ACTR3C: variants seen among roughly 807,000 people sequenced by gnomAD.
ACTR3C encodes actin related protein 3C.
Under a neutral mutation model 26.3 loss-of-function variants are expected in ACTR3C, and 18 were observed. That is an observed-to-expected ratio of 0.68 (90% confidence interval 0.47 to 1.01). ACTR3C has a LOEUF of 1.01. Among genes scored for constraint, ACTR3C ranks in the 50% least tolerant of loss-of-function variants. The pLI, the probability that ACTR3C is intolerant of heterozygous loss-of-function variation, is 0.00. For synonymous variants in ACTR3C, 55 were observed against 94.5 expected (o/e 0.58, Z 2.42); for missense variants, 184 against 250.7 (o/e 0.73, Z 1.80).
At chr7:149,952,105 T>C in the ACTR3C span, among the ~76,000 whole-genome samples, 1 of 151,398 alleles carries the variant, frequency 6.6e-6, no homozygotes, top group South Asian at 2.1e-4. Flanking sequence ...CTTATAAGGA[T>C]GTCAGTTTTG....
chr7:149,914,115 T>C, the ACTR3C span, among the ~76,000 whole-genome samples: 1 of 151,568 alleles, frequency 6.6e-6, no homozygotes, highest in Non-Finnish European at 1.5e-5. Flanking sequence ...TCTCAAACTC[T>C]TGGGCTCAAG....
chr7:150,123,147 T>A, the ACTR3C span, among the ~76,000 whole-genome samples: 1 of 151,672 alleles, frequency 6.6e-6, no homozygotes, highest in African/African-American at 2.4e-5. Flanking sequence ...GACGGGTTGA[T>A]GGGTGAAGCA....
chr7:150,102,062 G>C, the ACTR3C span, among the ~76,000 whole-genome samples: 20 of 151,796 alleles, frequency 1.3e-4, no homozygotes, highest in Middle Eastern at 3.4e-3. Context: ...TTACAAGTGA[G>C]TGTTTAGTTG....
intron 6 of ACTR3C, among the ~76,000 whole-genome samples, chr7:150,275,517 C>G (rs1331946967): frequency 6.6e-6 from 1 of 152,178 alleles, no homozygotes; most frequent in Non-Finnish European, 1.5e-5. Flanking sequence ...TCGAGACCAG[C>G]CTGGCCAACA....
At chr7:150,213,329 G>A in the ACTR3C span, among the ~76,000 whole-genome samples, 3 of 152,190 alleles carry the variant, frequency 2.0e-5, no homozygotes, top group Admixed American at 6.5e-5. Flanking sequence ...CGTAAGCCTT[G>A]CATGAGTTTG....
chr7:150,039,137 G>A, the ACTR3C span, among the ~76,000 whole-genome samples: 1 of 150,858 alleles, frequency 6.6e-6, no homozygotes, highest in African/African-American at 2.4e-5. Context: ...TCAACGATCG[G>A]GGGTCCTAAG....
the ACTR3C span, among the ~76,000 whole-genome samples, chr7:150,222,384 G>T: frequency 6.6e-6 from 1 of 152,320 alleles, no homozygotes; most frequent in East Asian, 1.9e-4. Flanking sequence ...TTCCACGTGA[G>T]GAAACTGAGG....
chr7:150,200,711 C>T, the ACTR3C span, among the ~76,000 whole-genome samples: 448 of 152,130 alleles, frequency 2.9e-3, 1 homozygote, highest in Non-Finnish European at 5.3e-3. Context: ...TACATATGAA[C>T]GAACAGACAT....
At chr7:150,005,057 A>G in the ACTR3C span, 1 of 152,346 alleles carries the variant, frequency 6.6e-6, no homozygotes, top group South Asian at 2.1e-4. Context: ...GTGCCTCTGT[A>G]AGAAAATGCT....
At chr7:150,011,872 A>T in the ACTR3C span, among the ~76,000 whole-genome samples, 1 of 152,244 alleles carries the variant, frequency 6.6e-6, no homozygotes, top group South Asian at 2.1e-4. Context: ...CATTAAAAAG[A>T]AGTATAAAAT....
the ACTR3C span, among the ~76,000 whole-genome samples, chr7:150,003,465 T>C: frequency 2.0e-5 from 3 of 150,254 alleles, no homozygotes; most frequent in African/African-American, 7.3e-5. Context: ...GTAGTATGTG[T>C]TGTGTGTGGT....
the ACTR3C span, among the ~76,000 whole-genome samples, chr7:150,201,013 T>C: frequency 6.6e-6 from 1 of 152,272 alleles, no homozygotes; most frequent in Non-Finnish European, 1.5e-5. Context: ...TCATATTGTC[T>C]AGATGTTGGT....
At chr7:150,127,233 A>G in the ACTR3C span, among the ~76,000 whole-genome samples, 1 of 151,730 alleles carries the variant, frequency 6.6e-6, no homozygotes, top group Non-Finnish European at 1.5e-5. Flanking sequence ...ATTCCCCACC[A>G]GACTCCCACC....
chr7:150,140,009 C>T, the ACTR3C span, among the ~76,000 whole-genome samples: 1 of 149,718 alleles, frequency 6.7e-6, no homozygotes, highest in Non-Finnish European at 1.5e-5. Flanking sequence ...CACATTCACA[C>T]ACACATGCAC....
the ACTR3C span, among the ~76,000 whole-genome samples, chr7:150,122,027 T>G: frequency 1.3e-5 from 2 of 152,188 alleles, no homozygotes; most frequent in African/African-American, 4.8e-5. Context: ...TCTAGCCATA[T>G]GCAGAAAACT....
chr7:150,044,783 T>A, the ACTR3C span: 1 of 152,210 alleles, frequency 6.6e-6, no homozygotes, highest in African/African-American at 2.4e-5. Context: ...CCCTAAGGAT[T>A]ATAAAGGTAT....
the ACTR3C span, among the ~76,000 whole-genome samples, chr7:150,045,646 A>G: frequency 1.3e-4 from 20 of 151,274 alleles, no homozygotes; most frequent in Non-Finnish European, 2.5e-4. Context: ...TACATGTTAT[A>G]TCCCTGATTT....
chr7:150,319,155 G>A (rs1797229866), intron 1 of ACTR3C, among the ~76,000 whole-genome samples: 2 of 151,940 alleles, frequency 1.3e-5, no homozygotes, highest in South Asian at 2.1e-4. Flanking sequence ...GTTCCAAGTC[G>A]AGTGACTCTG....
the ACTR3C span, among the ~76,000 whole-genome samples, chr7:150,227,688 G>GTTTTTTTTTTTTTTTTTTTTTTTTTTT: frequency 8.1e-5 from 9 of 111,374 alleles, no homozygotes; most frequent in South Asian, 5.7e-4. Context: ...TTGTGTCTGG[G>GTTTTTTTTTTTTTTTTTTTTTTTTTTT]TTTTTTTTTT....
Sources: gnomAD v4.1 joint callset for allele counts (sites outside exome capture counted in the v4.1 genomes callset) on GRCh38, gnomAD v4.1.1 for gene constraint, MANE v1.5 for transcripts, NCBI Gene and HGNC (gene_info 2026-07-23, HGNC 2026-07-21) for gene names.